DPP6: variants seen among roughly 807,000 people sequenced by gnomAD.
The protein encoded by DPP6 is A-type potassium channel modulatory protein DPP6.
DPP6 carries 69 observed loss-of-function variants against 122.6 expected under a neutral mutation model. The observed-to-expected ratio is 0.56, with a 90% CI of 0.46 to 0.69. The LOEUF (loss-of-function observed/expected upper bound fraction) is 0.69, where lower values mean the gene tolerates loss of function less well. Among genes scored for constraint, DPP6 ranks in the 30% least tolerant of loss-of-function variants. The pLI is 0.00. For missense variants in DPP6, 928 were observed against 1,116.9 expected (o/e 0.83, Z 2.41); for synonymous variants, 418 against 433.1 (o/e 0.97, Z 0.43).
chr7:154,287,055 G>A lies in DPP6; in HGVS notation c.244-159159G>A, dbSNP rs548588795. Among the ~76,000 whole-genome samples the A allele has an allele frequency of 5.9e-5, 9 of 152,172 alleles. No homozygotes were observed. In the East Asian group the frequency reaches 9.7e-4, roughly 16 times the overall value. On this transcript the variant is annotated intron_variant, in intron 1 of 25. Transcript: ENST00000377770. ...TGACCTCAAGTGACCCACCCACCTC[G>A]GCCTTAAACTGCTGGGATTACAGGT...
chr7:153,977,027 A>G (rs1796339851), intron 1 of DPP6, among the ~76,000 whole-genome samples: 1 of 152,180 alleles, frequency 6.6e-6, no homozygotes, highest in Non-Finnish European at 1.5e-5. Flanking sequence ...CATTCTGCAC[A>G]CTTCTTCTAA....
At chr7:154,478,808 G>A (rs959274377) in intron 3 of DPP6, among the ~76,000 whole-genome samples, 6 of 152,176 alleles carry the variant, frequency 3.9e-5, no homozygotes, top group African/African-American at 9.6e-5. Flanking sequence ...TATAGGTTCC[G>A]AACAGTTCAG....
At chr7:153,767,442 A>T in the DPP6 span, among the ~76,000 whole-genome samples, 1 of 152,000 alleles carries the variant, frequency 6.6e-6, no homozygotes, top group Non-Finnish European at 1.5e-5. Flanking sequence ...ATCTCGGCTC[A>T]CTGCAACCTC....
At chr7:154,591,866 G>A (rs1248275624) in intron 5 of DPP6, among the ~76,000 whole-genome samples, 2 of 152,232 alleles carry the variant, frequency 1.3e-5, no homozygotes, top group African/African-American at 2.4e-5. Flanking sequence ...GCTAGACTGT[G>A]CGTCTGTGTT....
At chr7:154,747,194 C>T (rs1843076622) in intron 8 of DPP6, among the ~76,000 whole-genome samples, 1 of 152,226 alleles carries the variant, frequency 6.6e-6, no homozygotes, top group Admixed American at 6.5e-5. Context: ...CACAGTGTTT[C>T]ATTGAAGAGC....
intron 1 of DPP6, among the ~76,000 whole-genome samples, chr7:153,942,176 C>T (rs1030635379): frequency 6.6e-6 from 1 of 152,232 alleles, no homozygotes; most frequent in Admixed American, 6.5e-5. Flanking sequence ...TGTACTCATT[C>T]AATTCACCGC....
the DPP6 span, among the ~76,000 whole-genome samples, chr7:153,878,611 G>T: frequency 6.6e-6 from 1 of 152,162 alleles, no homozygotes; most frequent in Admixed American, 6.5e-5. Context: ...TCTCAGGGGA[G>T]AAATGGGATT....
chr7:154,183,205 T>C (rs4077522), intron 1 of DPP6, among the ~76,000 whole-genome samples: 37 of 152,182 alleles, frequency 2.4e-4, no homozygotes, highest in African/African-American at 8.9e-4. Context: ...TTTCTCAAGT[T>C]TCGACTCTTG....
rs1798020779 is a variant in DPP6 at position 154,795,833 on chromosome 7, AT to A, written c.1261-9del. On this transcript the variant is annotated splice_polypyrimidine_tract_variant and intron_variant, in intron 11 of 25. Transcript: ENST00000377770. Reference sequence around the variant, plus strand: ...AAAAACCCTCTTGTCTAATGCTCTCATTTCATTTCAGAAACACGAGGATGAA... The same window carrying A: ...AAAAACCCTCTTGTCTAATGCTCTCATTCATTTCAGAAACACGAGGATGAA... 1 of 1,609,800 alleles carries A rather than the reference AT, an allele frequency of 6.2e-7. No individual in the cohort carries two copies. Among genetic ancestry groups the A allele is most frequent in the African/African-American group, 1.3e-5 (1 of 74,598 alleles).
intron 1 of DPP6, among the ~76,000 whole-genome samples, chr7:154,178,171 G>A (rs976834097): frequency 6.6e-6 from 1 of 152,162 alleles, no homozygotes; most frequent in African/African-American, 2.4e-5. Flanking sequence ...TCTGTTCAAT[G>A]AGCTTTGAAG....
At chr7:154,847,331 T>C (rs1212460470) in intron 16 of DPP6, among the ~76,000 whole-genome samples, 1 of 152,194 alleles carries the variant, frequency 6.6e-6, no homozygotes, top group Non-Finnish European at 1.5e-5. Flanking sequence ...GGTAGAAATA[T>C]CTTTTAAATA....
the DPP6 span, among the ~76,000 whole-genome samples, chr7:153,844,825 AAAC>A: frequency 1.3e-5 from 2 of 152,330 alleles, no homozygotes; most frequent in Non-Finnish European, 2.9e-5. Flanking sequence ...CAAGTTATAT[AAAC>A]AACTGAACTC....
chr7:154,805,782 C>T (rs1205179505), intron 15 of DPP6, among the ~76,000 whole-genome samples: 1 of 152,120 alleles, frequency 6.6e-6, no homozygotes, highest in East Asian at 1.9e-4. Flanking sequence ...GTGAGATTAG[C>T]CCTGGGCACT....
In DPP6 at chr7:154,062,037, G is replaced by T. The variant is rs1259408450; in HGVS notation, c.243+8974G>T. Among the ~76,000 whole-genome samples, 273 of 115,582 alleles carry T rather than the reference G, an allele frequency of 2.4e-3. 2 individuals carry two copies. Among genetic ancestry groups the T allele is most frequent in the African/African-American group, 7.1e-3 (211 of 29,904 alleles). The allele number at this position is 115,582 out of a possible 152,430, so 75.8% of individuals were successfully genotyped here. A position where few individuals can be genotyped will look rare whatever the true frequency, so the allele number is the denominator to read the frequency against. The stretch of plus-strand genomic sequence containing the variant: ...GCAGGGGGGGGGAGGCACCCCCCGC[G>T]AGGCAGGGACTGACAGCCAGCCCCT... On this transcript the variant is annotated intron_variant, in intron 1 of 25. Transcript: ENST00000377770.
the DPP6 span, among the ~76,000 whole-genome samples, chr7:153,873,222 C>A: frequency 2.0e-5 from 3 of 152,214 alleles, no homozygotes; most frequent in East Asian, 1.9e-4. Flanking sequence ...CACTGCCCCC[C>A]ACCAAGGAGG....
intron 17 of DPP6, among the ~76,000 whole-genome samples, chr7:154,865,158 G>A (rs865803006): frequency 8.5e-5 from 13 of 152,098 alleles, no homozygotes; most frequent in African/African-American, 3.1e-4. Flanking sequence ...GCCCTTTCTG[G>A]GACCCAGAAG....
chr7:154,811,825 C>T (rs1012272545), intron 16 of DPP6, among the ~76,000 whole-genome samples: 2 of 151,990 alleles, frequency 1.3e-5, no homozygotes, highest in African/African-American at 4.8e-5. Context: ...AAACCTGTGA[C>T]AAAAATAACG....
At chr7:154,366,314 G>A (rs147846196) in intron 1 of DPP6, among the ~76,000 whole-genome samples, 40 of 152,270 alleles carry the variant, frequency 2.6e-4, no homozygotes, top group African/African-American at 9.1e-4. Context: ...TTATTAAAAA[G>A]CGGGGAAAAA....
At chr7:154,309,245 T>A (rs1434574529) in intron 1 of DPP6, among the ~76,000 whole-genome samples, 1 of 152,226 alleles carries the variant, frequency 6.6e-6, no homozygotes, top group African/African-American at 2.4e-5. Context: ...GCTGTTCTCA[T>A]CACACCTTGT....
Sources: gnomAD v4.1 joint callset for allele counts (sites outside exome capture counted in the v4.1 genomes callset) on GRCh38, gnomAD v4.1.1 for gene constraint, MANE v1.5 for transcripts, NCBI Gene and HGNC (gene_info 2026-07-23, HGNC 2026-07-21) for gene names.